Variants in E2F6 observed in about 807,000 individuals in gnomAD.
E2F6 encodes the protein E2F transcription factor 6.
Under a neutral mutation model 31.5 loss-of-function variants are expected in E2F6, and 19 were observed. That is an observed-to-expected ratio of 0.60 (90% CI 0.42 to 0.89). The LOEUF (loss-of-function observed/expected upper bound fraction) is 0.89, where lower values mean the gene tolerates loss of function less well. Ranked by LOEUF, E2F6 falls within the 40% of genes least tolerant of loss-of-function variation. E2F6 has a pLI of 0.00. For synonymous variants in E2F6, 121 were observed against 127.7 expected (o/e 0.95, Z 0.36); for missense variants, 269 against 341.6 (o/e 0.79, Z 1.67).
chr2:11,453,171 ATT>A (rs531752435), intron 3 of E2F6, among the ~76,000 whole-genome samples: 3 of 144,188 alleles, frequency 2.1e-5, no homozygotes, highest in Admixed American at 7.0e-5. Context: ...ACACTGTCTG[ATT>A]TTTTTTTTTT....
intron 5 of E2F6, among the ~76,000 whole-genome samples, chr2:11,448,427 T>C (rs374880590): frequency 5.3e-5 from 8 of 152,112 alleles, no homozygotes; most frequent in Non-Finnish European, 1.2e-4. Context: ...TATAACAAAG[T>C]CTGTTTTCTC....
At chr2:11,461,497 G>A (rs763608291) in intron 1 of E2F6, among the ~76,000 whole-genome samples, 11 of 151,900 alleles carry the variant, frequency 7.2e-5, no homozygotes, top group Non-Finnish European at 1.3e-4. Context: ...GATTACAGGC[G>A]CACGTCACCA....
intron 2 of E2F6, among the ~76,000 whole-genome samples, chr2:11,454,538 G>A (rs1281291229): frequency 2.0e-5 from 3 of 151,852 alleles, no homozygotes; most frequent in African/African-American, 7.3e-5. Context: ...GTAGAGACGG[G>A]GTTTCACCAT....
At chr2:11,455,343 T>C in intron 2 of E2F6, 1 of 1,172,270 alleles carries the variant, frequency 8.5e-7, no homozygotes, top group Non-Finnish European at 1.1e-6. Flanking sequence ...CCATCCTACC[T>C]TCAGTCAGAA....
chr2:11,455,004 T>C (rs1326134252), intron 2 of E2F6, among the ~76,000 whole-genome samples: 1 of 152,232 alleles, frequency 6.6e-6, no homozygotes, highest in Non-Finnish European at 1.5e-5. Context: ...CGATTTTGCT[T>C]CATATTTCAA....
Position 11,465,866 on chromosome 2 carries a change from C to G in E2F6, c.14G>C (p.Arg5Pro). The G allele has an allele frequency of 6.4e-7, 1 of 1,563,744 alleles. No individual in the cohort carries two copies. The highest frequency in any genetic ancestry group is 8.7e-7 in the Non-Finnish European group (1 of 1,154,952). Reference protein sequence around the residue: MSQQRPARKLPSLLL... With the variant: MSQQPPARKLPSLLL... The stretch of plus-strand genomic sequence containing the variant: ...GAGACTGGGTAACTTCCTCGCCGGC[C>G]GCTGCTGACTCATGCTGCCCGGCCG... The change falls in exon 1 of 7, where the codon CGG becomes CCG. Residue 5 changes from arginine (R) to proline (P), a missense_variant. Physicochemically the swap from Arg to Pro is moderately radical, Grantham distance 103 (BLOSUM62 -2). Coordinates refer to ENST00000381525, the MANE Select transcript of E2F6 (RefSeq NM_198256.4).
At chr2:11,460,626 T>C (rs61359516) in intron 1 of E2F6, among the ~76,000 whole-genome samples, 16 of 152,318 alleles carry the variant, frequency 1.1e-4, no homozygotes, top group African/African-American at 3.4e-4. Context: ...CATGCAATCA[T>C]GCATCTTCTC....
chr2:11,446,778 T>C (rs1670742934), intron 6 of E2F6, among the ~76,000 whole-genome samples: 1 of 152,234 alleles, frequency 6.6e-6, no homozygotes, highest in South Asian at 2.1e-4. Flanking sequence ...AGGGCTTTAT[T>C]AGTTTCTTTT....
Position 11,466,113 on chromosome 2 carries a change from C to T in E2F6, c.-234G>A, listed in dbSNP as rs926173122. Reference sequence around the variant, plus strand: ...GACGGAAAAAGAGGAGGGAGACCCGCGGATCTCAAGTCGCCCGGCCCGCCA... The same window carrying T: ...GACGGAAAAAGAGGAGGGAGACCCGTGGATCTCAAGTCGCCCGGCCCGCCA... On this transcript the variant is annotated 5_prime_UTR_variant, in exon 1 of 7. Coordinates refer to ENST00000381525, the MANE Select transcript of E2F6 (RefSeq NM_198256.4). The T allele has an allele frequency of 8.3e-6, 4 of 483,276 alleles. No homozygotes were observed. Among genetic ancestry groups the T allele is most frequent in the South Asian group, 3.0e-5 (1 of 32,816 alleles). The allele number at this position is 483,276 out of a possible 1,614,324, so 29.9% of individuals were successfully genotyped here. A position where few individuals can be genotyped will look rare whatever the true frequency, so the allele number is the denominator to read the frequency against.
chr2:11,455,993 G>A (rs1270031906), intron 2 of E2F6, among the ~76,000 whole-genome samples: 2 of 152,192 alleles, frequency 1.3e-5, no homozygotes, highest in Non-Finnish European at 2.9e-5. Context: ...AGAAGACAAA[G>A]CAGACTTAGA....
intron 1 of E2F6, among the ~76,000 whole-genome samples, chr2:11,461,907 T>C (rs557705902): frequency 4.6e-5 from 7 of 152,246 alleles, no homozygotes; most frequent in African/African-American, 7.2e-5. Context: ...CCAAAAATAT[T>C]TGAAAATATC....
intron 3 of E2F6, 142 bp from the exon 4 acceptor site, chr2:11,451,948 G>A (rs572814131): frequency 4.8e-5 from 36 of 754,368 alleles, no homozygotes; most frequent in Admixed American, 2.9e-4. Flanking sequence ...AACTTCTGCC[G>A]TCTTTGTTCT....
chr2:11,461,051 C>T (rs933039397), intron 1 of E2F6, among the ~76,000 whole-genome samples: 7 of 152,078 alleles, frequency 4.6e-5, no homozygotes, highest in South Asian at 4.1e-4. Context: ...GGGGTGGGTC[C>T]TGATGAGAAT....
chr2:11,457,083 T>C, intron 2 of E2F6, 96 bp downstream of exon 2: 1 of 957,882 alleles, frequency 1.0e-6, no homozygotes, highest in Non-Finnish European at 1.6e-6. Flanking sequence ...CAAATTGTAT[T>C]TCAGTTTCTC....
intron 4 of E2F6, 189 bp downstream of exon 4, chr2:11,451,462 T>C (rs1015366162): frequency 2.0e-5 from 9 of 440,794 alleles, no homozygotes; most frequent in African/African-American, 4.2e-5. Context: ...GCGATTCTCC[T>C]GCCTCAGCCT....
chr2:11,451,182 C>A (rs1235736285), intron 4 of E2F6: 1 of 152,366 alleles, frequency 6.6e-6, no homozygotes, highest in African/African-American at 2.4e-5. Context: ...AGTATTCAGA[C>A]TATAAAAATG....
chr2:11,451,700 C>T lies in E2F6; in HGVS notation c.487G>A (p.Asp163Asn), dbSNP rs776208604. The change falls in exon 4 of 7, where the codon GAT becomes AAT. Residue 163 changes from aspartate (D) to asparagine (N), a missense_variant. Transcript: ENST00000381525. ...AACTCAAACAGCTGCTGAGCACAAT[C>T]CTTAATTAACTCATCCAAAGCATCT... is the stretch of plus-strand genomic sequence containing the variant. ...MEDALDELIK[D>N]CAQQLFELTD... 3.2e-5 allele frequency: 52 copies of T among 1,611,528 alleles called. No individual in the cohort carries two copies. Among genetic ancestry groups the T allele is most frequent in the Non-Finnish European group, 4.2e-5 (49 of 1,178,562 alleles).
In E2F6 at chr2:11,450,584, A is replaced by C. The variant is rs1474622967; in HGVS notation, c.537-458T>G. 2.0e-5 allele frequency among the ~76,000 whole-genome samples: 3 copies of C among 152,192 alleles called. No homozygotes were observed. The East Asian group carries it at 5.8e-4, about 29-fold the overall frequency. On this transcript the variant is annotated intron_variant, in intron 4 of 6. Transcript: ENST00000381525. ...TGAAAGATGGAAAAAAATCTATAAA[A>C]AGGCATAAACGACTTAGAGATTAAG...
chr2:11,451,521 T>G, intron 4 of E2F6, 130 bp downstream of exon 4: 2 of 985,386 alleles, frequency 2.0e-6, no homozygotes, highest in Non-Finnish European at 2.8e-6. Context: ...CCTGGCTAAT[T>G]TTGTATTTAA....
Sources: gnomAD v4.1 joint callset for allele counts (sites outside exome capture counted in the v4.1 genomes callset) on GRCh38, gnomAD v4.1.1 for gene constraint, MANE v1.5 for transcripts, NCBI Gene and HGNC (gene_info 2026-07-23, HGNC 2026-07-21) for gene names.